Variants in LRP2 observed in about 807,000 individuals in gnomAD.
LRP2 encodes LDL receptor related protein 2, also known as low-density lipoprotein receptor-related protein 2.
In LRP2, 172 loss-of-function variants were observed where a neutral mutation model predicts 531.0. That is an observed-to-expected ratio of 0.32 (90% confidence interval 0.29 to 0.37). The LOEUF (loss-of-function observed/expected upper bound fraction) is 0.37. Among genes scored for constraint, LRP2 ranks in the 10% least tolerant of loss-of-function variants. The pLI is 1.00. For missense variants in LRP2, 5,167 were observed against 5,868.3 expected, an observed-to-expected ratio of 0.88 and a Z score of 3.90; for synonymous variants, 1,992 against 2,027.6, an observed-to-expected ratio of 0.98 and a Z score of 0.47.
chr2:169,236,019 G>A lies in LRP2; in HGVS notation c.4741C>T (p.Arg1581Ter). The A allele has an allele frequency of 1.9e-6, 3 of 1,614,144 alleles. No individual in the cohort carries two copies. The highest frequency in any genetic ancestry group is 2.5e-6 in the Non-Finnish European group (3 of 1,180,008). ...CGCATGCTGCCGTCCATGCTGGCTC[G>A]CTCGATGCGAGGGTGGTGGCCCCAG... ...SDWGHHPRIE[R>*]ASMDGSMRTV... The change falls in exon 29 of 79, where the codon CGA becomes TGA. Residue 1581 changes from arginine (R) to a stop codon, truncating the protein, a stop_gained. Transcript: ENST00000649046. LOFTEE classifies it high-confidence loss of function.
At chr2:169,173,014 A>AGTGGG in intron 57 of LRP2, 82 bp downstream of exon 57, 1 of 1,416,544 alleles carries the variant, frequency 7.1e-7, no homozygotes, top group Non-Finnish European at 1.0e-6. Flanking sequence ...TGGGAAATAC[A>AGTGGG]CTCTCATCTC....
rs925703807 is a variant in LRP2 at position 169,206,698 on chromosome 2, A to G, written c.7022T>C (p.Val2341Ala). Residue 2341 changes from valine to alanine, a missense_variant, in exon 39 of 79, where the codon GTC becomes GCC. Transcript: ENST00000649046. ...GTTTTCCAAGCAAGGGTTGTTGTTG[A>G]CCTCTGCTGGTGACCGGGGCTGGAC... ...KQVQPRSPAEVNNNPCLENNG... is the reference protein window; with the variant it reads ...KQVQPRSPAEANNNPCLENNG... 1.9e-6 allele frequency: 3 copies of G among 1,613,970 alleles called. No homozygotes were observed. The highest frequency in any genetic ancestry group is 1.3e-5 in the African/African-American group (1 of 74,976).
At chr2:169,275,402 T>C in intron 13 of LRP2, 164 bp from the exon 14 acceptor site, 1 of 629,268 alleles carries the variant, frequency 1.6e-6, no homozygotes, top group African/African-American at 1.8e-5. Flanking sequence ...TATTTCCATC[T>C]ACATATGATA....
At chr2:169,277,193 CAAAAA>C (rs5836227) in intron 13 of LRP2, among the ~76,000 whole-genome samples, 1 of 88,158 alleles carries the variant, frequency 1.1e-5, no homozygotes. Flanking sequence ...GACTCCATCT[CAAAAA>C]AAAAAAAAAA....
In LRP2 at chr2:169,227,134, C is replaced by T. The variant is rs1007230920; in HGVS notation, c.5228-546G>A. 1.5e-4 allele frequency among the ~76,000 whole-genome samples: 23 copies of T among 152,178 alleles called. 1 individual carries two copies. Among genetic ancestry groups the T allele is most frequent in the Admixed American group, 1.2e-3 (19 of 15,274 alleles). ...CAATGTATAATCCTATCAGTTGTTA[C>T]TTGACTAGTGTCTCTCTTCCCTATA... On this transcript the variant is annotated intron_variant, in intron 31 of 78. Transcript: ENST00000649046.
rs563190763 is a variant in LRP2, at chr2:169,238,390, T to C, written c.4295-88A>G. The stretch of plus-strand genomic sequence containing the variant: ...AAAACTTTTGATTCAATACTTTTGG[T>C]AACAGAAAGAAGGTGTAATTCCAAA... On this transcript the variant is annotated intron_variant, in intron 26 of 78. Transcript: ENST00000649046. 2.6e-5 allele frequency: 25 copies of C among 965,078 alleles called. No homozygotes were observed. In the East Asian group the frequency reaches 6.2e-4, roughly 24 times the overall value. 59.8% of individuals were successfully genotyped at this position (965,078 alleles called of 1,614,324 possible). A position where few individuals can be genotyped will look rare whatever the true frequency, so the allele number is the denominator to read the frequency against.
chr2:169,358,056 T>C (rs546700242), intron 1 of LRP2, among the ~76,000 whole-genome samples: 1 of 152,336 alleles, frequency 6.6e-6, no homozygotes, highest in East Asian at 1.9e-4. Flanking sequence ...TAATAACCTA[T>C]CACAGGATTC....
At position 169,239,614 on chromosome 2, in the gene LRP2, G is replaced by A; in HGVS notation, c.4207C>T (p.His1403Tyr). 6.2e-7 allele frequency: 1 copy of A among 1,614,074 alleles called. No homozygotes were observed. Among genetic ancestry groups the A allele is most frequent in the Non-Finnish European group, 8.5e-7 (1 of 1,179,974 alleles). The change falls in exon 26 of 79, where the codon CAC becomes TAC. Residue 1403 changes from histidine to tyrosine, a missense_variant. By Grantham distance (83) the His-to-Tyr change is moderately conservative. Coordinates refer to ENST00000649046, the MANE Select transcript of LRP2 (RefSeq NM_004525.3). ...AAAGAACCTCTCATATTGTAACAGTGCTGGCTACAAGAGCCTAGAATATCA... is the reference window on the plus strand; with the variant it reads ...AAAGAACCTCTCATATTGTAACAGTACTGGCTACAAGAGCCTAGAATATCA... ...ECDILGSCSQ[H>Y]CYNMRGSFRC...
Position 169,225,430 on chromosome 2 carries a change from T to C in LRP2, c.5418A>G (p.Thr1806=). 4 of 1,614,102 alleles carry C rather than the reference T, an allele frequency of 2.5e-6. No homozygotes were observed. The highest frequency in any genetic ancestry group is 3.4e-6 in the Non-Finnish European group (4 of 1,179,956). ...ENPGEIHRVK[T]DGTNRTVFAS... ...CAAATACTGTCCTGTTGGTGCCATCTGTCTTCACTCTGTGAATTTCACCCT... is the reference window on the plus strand; with the variant it reads ...CAAATACTGTCCTGTTGGTGCCATCCGTCTTCACTCTGTGAATTTCACCCT... Residue 1806 remains threonine (T), a synonymous_variant, in exon 33 of 79, where the codon ACA becomes ACG. Transcript: ENST00000649046.
intron 48 of LRP2, among the ~76,000 whole-genome samples, chr2:169,191,120 G>T (rs1687815345): frequency 6.6e-6 from 1 of 152,150 alleles, no homozygotes; most frequent in South Asian, 2.1e-4. Flanking sequence ...TATTTCAAAT[G>T]AAAATCCAGA....
chr2:169,231,979 T>A, intron 30 of LRP2, 137 bp from the exon 31 acceptor site: 1 of 1,051,066 alleles, frequency 9.5e-7, no homozygotes, highest in South Asian at 1.4e-5. Context: ...TGTTGTTTTC[T>A]TTTGTTTTGT....
At position 169,290,916 on chromosome 2, in the gene LRP2, T is replaced by G; in HGVS notation, c.851A>C (p.Lys284Thr). The G allele has an allele frequency of 3.7e-6, 6 of 1,614,152 alleles. No individual in the cohort carries two copies. Among genetic ancestry groups the G allele is most frequent in the Non-Finnish European group, 5.1e-6 (6 of 1,180,012 alleles). Residue 284 changes from lysine (K) to threonine (T), a missense_variant, in exon 8 of 79, where the codon AAA becomes ACA. By Grantham distance (78) the Lys-to-Thr change is moderately conservative. Coordinates refer to ENST00000649046, the MANE Select transcript of LRP2 (RefSeq NM_004525.3). ...PESGRCISIY[K>T]VCDGILDCPG... Reference sequence around the variant, plus strand: ...GCAATCTAAAATCCCATCACAAACTTTATAAATGGAGATGCATCGTCCCGA... The same window carrying G: ...GCAATCTAAAATCCCATCACAAACTGTATAAATGGAGATGCATCGTCCCGA...
At chr2:169,307,471 G>C (rs1684456375) in intron 3 of LRP2, 74 bp from the exon 4 acceptor site, 1 of 920,752 alleles carries the variant, frequency 1.1e-6, no homozygotes. Context: ...CATTAACAAG[G>C]ATATTGGAAA....
At chr2:169,153,763 A>G (rs1211949817) in intron 66 of LRP2, among the ~76,000 whole-genome samples, 3 of 152,178 alleles carry the variant, frequency 2.0e-5, no homozygotes, top group Non-Finnish European at 4.4e-5. Flanking sequence ...GGCACAGAAG[A>G]CAAGTTTTCT....
chr2:169,313,613 C>T (rs1055530785), intron 3 of LRP2, among the ~76,000 whole-genome samples: 1 of 152,196 alleles, frequency 6.6e-6, no homozygotes, highest in East Asian at 1.9e-4. Context: ...CGGTGTCAGT[C>T]GGCCCCTACT....
At chr2:169,314,797 T>C (rs934968848) in intron 3 of LRP2, among the ~76,000 whole-genome samples, 5 of 152,244 alleles carry the variant, frequency 3.3e-5, no homozygotes, top group Admixed American at 3.3e-4. Flanking sequence ...ATTCTGCCCA[T>C]GGCAGAGACA....
chr2:169,152,765 G>C (rs1686191487), intron 67 of LRP2, 34 bp downstream of exon 67: 2 of 1,612,958 alleles, frequency 1.2e-6, no homozygotes, highest in Non-Finnish European at 8.5e-7. Context: ...CAGGAAAACA[G>C]AACAGGTAAG....
intron 1 of LRP2, among the ~76,000 whole-genome samples, chr2:169,349,634 C>T (rs1312785591): frequency 6.6e-6 from 1 of 152,164 alleles, no homozygotes; most frequent in Non-Finnish European, 1.5e-5. Context: ...TTGGGGTCTG[C>T]CTCAGCTATA....
chr2:169,233,427 A>G lies in LRP2; in HGVS notation c.5082T>C (p.Pro1694=), dbSNP rs1559031187. The change falls in exon 30 of 79, where the codon CCT becomes CCC. Residue 1694 remains proline (P), a synonymous_variant. Transcript: ENST00000649046. ...QWPLGIVAVH[P]SKQPNSVNPC... ...ATCACTCACAATTTGGTTGTTTCGA[A>G]GGATGAACCGCAACAATCCCAAGGG... 2 of 1,614,088 alleles carry G rather than the reference A, an allele frequency of 1.2e-6. No individual in the cohort carries two copies.
Sources: allele counts gnomAD v4.1 joint callset (sites outside exome capture counted in the v4.1 genomes callset), GRCh38; gene constraint gnomAD v4.1.1; transcripts MANE v1.5; gene names NCBI Gene and HGNC (gene_info 2026-07-23, HGNC 2026-07-21).